Variants in PAH observed in about 807,000 individuals in gnomAD.
The protein encoded by PAH is phenylalanine hydroxylase.
In PAH, 64 loss-of-function variants were observed where a neutral mutation model predicts 62.0. That is an observed-to-expected ratio of 1.03 (90% CI 0.84 to 1.27). The LOEUF is 1.27. Among genes scored for constraint, PAH ranks in the 50% most tolerant of loss-of-function variants. The probability of loss-of-function intolerance (pLI) is 0.00; values close to 1 mark genes in which losing one functional copy is unlikely to be tolerated. For missense variants in PAH, 579 were observed against 542.8 expected, an observed-to-expected ratio of 1.07 and a Z score of -0.66; for synonymous variants, 195 against 196.2, an observed-to-expected ratio of 0.99 and a Z score of 0.05.
intron 2 of PAH, 45 bp downstream of exon 2, chr12:102,912,746 G>A: frequency 7.7e-7 from 1 of 1,305,436 alleles, no homozygotes; most frequent in South Asian, 1.2e-5. Context: ...GAACATGGAA[G>A]TTTGCTACGA....
chr12:102,910,033 A>G (rs1019491469), intron 2 of PAH, among the ~76,000 whole-genome samples: 1 of 152,206 alleles, frequency 6.6e-6, no homozygotes, highest in Non-Finnish European at 1.5e-5. Context: ...AATATTTATT[A>G]AGGTAAAAAA....
intron 5 of PAH, among the ~76,000 whole-genome samples, chr12:102,861,978 A>AAAAG (rs1555205290): frequency 1.3e-5 from 2 of 151,864 alleles, no homozygotes; most frequent in Non-Finnish European, 2.9e-5. Flanking sequence ...AAAAAAAAAA[A>AAAAG]AAAAGAAAGA....
Position 102,839,046 on chromosome 12 carries a change from C to A in PAH, c.*129G>T. On this transcript the variant is annotated 3_prime_UTR_variant, in exon 13 of 13. Transcript: ENST00000553106. The stretch of plus-strand genomic sequence containing the variant: ...TTATTTTGACTTATTTGTTGTTTCT[C>A]CATCTTGTAAAGGATTTAAGGCTGT... 1 of 781,522 alleles carries A rather than the reference C, an allele frequency of 1.3e-6. No individual in the cohort carries two copies. The highest frequency in any genetic ancestry group is 2.6e-5 in the East Asian group (1 of 38,468). The allele number at this position is 781,522 out of a possible 1,614,324, so 48.4% of individuals were successfully genotyped here.
chr12:102,839,312 C>A, intron 12 of PAH, 94 bp from the exon 13 acceptor site: 1 of 1,237,606 alleles, frequency 8.1e-7, no homozygotes, highest in Non-Finnish European at 1.2e-6. Context: ...GATAAGTGGG[C>A]TTCTTGGATG....
chr12:102,839,196 A>G lies in PAH; in HGVS notation c.1338T>C (p.Ser446=), dbSNP rs749175668. The G allele has an allele frequency of 1.2e-6, 2 of 1,613,928 alleles. No individual in the cohort carries two copies. Among genetic ancestry groups the G allele is most frequent in the Admixed American group, 3.3e-5 (2 of 60,000 alleles). The change falls in exon 13 of 13, where the codon AGT becomes AGC. Residue 446 remains serine, a synonymous_variant. Transcript: ENST00000553106. The stretch of plus-strand genomic sequence containing the variant: ...GGCTTTACTTTATTTTCTGGAGGGC[A>G]CTGCAAAGGATTCCAATTTCACCTA... The part of the protein sequence containing the change: ...SINSEIGILC[S]ALQKIK
chr12:102,875,769 C>G (rs1876535313), intron 4 of PAH, among the ~76,000 whole-genome samples: 2 of 152,018 alleles, frequency 1.3e-5, no homozygotes, highest in Non-Finnish European at 1.5e-5. Flanking sequence ...AGTTTAATTT[C>G]ACAACTAATA....
At chr12:102,867,925 ATAGATG>A (rs1181893542) in intron 4 of PAH, among the ~76,000 whole-genome samples, 11 of 142,490 alleles carry the variant, frequency 7.7e-5, no homozygotes, top group Admixed American at 2.1e-4. Flanking sequence ...ATATACATAT[ATAGATG>A]TATATATACA....
At position 102,895,870 on chromosome 12, in the gene PAH, AT is replaced by A. The variant is rs369418346; in HGVS notation, c.169-953del. ...ACTCTGTCTCAAAAAAAAAAAAAAAATATATATATATATATATATATGTATA... is the reference window on the plus strand; with the variant it reads ...ACTCTGTCTCAAAAAAAAAAAAAAAAATATATATATATATATATATGTATA... On this transcript the variant is annotated intron_variant, in intron 2 of 12. Coordinates refer to ENST00000553106, the MANE Select transcript of PAH (RefSeq NM_000277.3). Among the ~76,000 whole-genome samples the A allele has an allele frequency of 4.6e-3, 471 of 101,748 alleles. 3 individuals are homozygous for A. Among genetic ancestry groups the A allele is most frequent in the African/African-American group, 0.013 (246 of 18,546 alleles). The allele number at this position is 101,748 out of a possible 152,430, so 66.8% of individuals were successfully genotyped here.
chr12:102,917,035 T>A lies in PAH; in HGVS notation c.60+36A>T. The A allele has an allele frequency of 2.5e-6, 4 of 1,603,102 alleles. No homozygotes were observed. The South Asian group carries it at 4.4e-5, about 18-fold the overall frequency. On this transcript the variant is annotated intron_variant, in intron 1 of 12. Coordinates refer to ENST00000553106, the MANE Select transcript of PAH (RefSeq NM_000277.3). ...GATCTCTTTCTCTGGAGGCCCAAATTCCCCTAACTGAGCAGCTCAGGCTGC... is the reference window on the plus strand; with the variant it reads ...GATCTCTTTCTCTGGAGGCCCAAATACCCCTAACTGAGCAGCTCAGGCTGC...
chr12:102,943,734 A>G (rs1212773413), intron 1 of PAH, among the ~76,000 whole-genome samples: 1 of 152,226 alleles, frequency 6.6e-6, no homozygotes, highest in Non-Finnish European at 1.5e-5. Context: ...TATCATAAAA[A>G]TGAATGAAAT....
chr12:102,958,384 C>T, upstream of PAH: 21 of 1,493,848 alleles, frequency 1.4e-5, no homozygotes, highest in Non-Finnish European at 1.7e-5. Context: ...GCAGCGGCAG[C>T]GCAGAGCGCG....
intron 1 of PAH, among the ~76,000 whole-genome samples, chr12:102,936,739 T>C (rs188411915): frequency 1.8e-4 from 28 of 152,374 alleles, no homozygotes; most frequent in African/African-American, 6.3e-4. Flanking sequence ...TATGTTTTTC[T>C]ATTTCTTTAT....
chr12:102,885,993 A>G (rs1877025145), intron 3 of PAH: 1 of 152,310 alleles, frequency 6.6e-6, no homozygotes. Context: ...GCTGATCTCC[A>G]CAGCTCCCAC....
At chr12:102,942,219 A>C (rs1879320854) in intron 1 of PAH, among the ~76,000 whole-genome samples, 1 of 152,176 alleles carries the variant, frequency 6.6e-6, no homozygotes, top group African/African-American at 2.4e-5. Flanking sequence ...ACTTCATAAA[A>C]GTTTCAGAAT....
intron 3 of PAH, among the ~76,000 whole-genome samples, chr12:102,882,244 G>T (rs925863785): frequency 8.5e-5 from 13 of 152,124 alleles, no homozygotes; most frequent in African/African-American, 3.1e-4. Flanking sequence ...TGAAATCTGG[G>T]ATACTCAGGA....
chr12:102,838,821 G>A lies in PAH; in HGVS notation c.*354C>T. The A allele has an allele frequency of 3.7e-6, 1 of 272,830 alleles. No homozygotes were observed. Among genetic ancestry groups the A allele is most frequent in the East Asian group, 8.1e-5 (1 of 12,336 alleles). The allele number at this position is 272,830 out of a possible 1,614,324, so 16.9% of individuals were successfully genotyped here. A position where few individuals can be genotyped will look rare whatever the true frequency, so the allele number is the denominator to read the frequency against. ...TTGTGTTTTACATTTAGCCTTATATGCTCCTTTATGAGTTCTCTGCAAAGC... is the reference window on the plus strand; with the variant it reads ...TTGTGTTTTACATTTAGCCTTATATACTCCTTTATGAGTTCTCTGCAAAGC... On this transcript the variant is annotated 3_prime_UTR_variant, in exon 13 of 13. Transcript: ENST00000553106.
rs1388475330 is a variant in PAH at position 102,957,702 on chromosome 12, G to C, written c.-96+493C>G. 1 of 152,702 alleles carries C rather than the reference G, an allele frequency of 6.5e-6. No homozygotes were observed. The highest frequency in any genetic ancestry group is 1.5e-5 in the Non-Finnish European group (1 of 68,276). 9.5% of individuals were successfully genotyped at this position (152,702 alleles called of 1,614,324 possible). A position where few individuals can be genotyped will look rare whatever the true frequency, so the allele number is the denominator to read the frequency against. On this transcript the variant is annotated intron_variant, in intron 1 of 4. Transcript: ENST00000551337. This position sits in a 1 kb window ranked among gnomAD's most constrained non-coding sequence, Gnocchi z 4.1. ...ACTCTCTCACTTCTGGCCAGGGAACGTGGAAGGCGCACCGACAGGGATCCG... is the reference window on the plus strand; with the variant it reads ...ACTCTCTCACTTCTGGCCAGGGAACCTGGAAGGCGCACCGACAGGGATCCG...
intron 1 of PAH, among the ~76,000 whole-genome samples, chr12:102,915,772 G>T (rs1046614643): frequency 6.6e-6 from 1 of 152,112 alleles, no homozygotes; most frequent in Admixed American, 6.6e-5. Context: ...CATCCCAGGT[G>T]ATTCTTAACC....
At chr12:102,841,927 G>C (rs1874612780) in intron 11 of PAH, among the ~76,000 whole-genome samples, 1 of 152,198 alleles carries the variant, frequency 6.6e-6, no homozygotes, top group South Asian at 2.1e-4. Context: ...ACTCCAAGTG[G>C]TTAGAATTGG....
Sources: gnomAD v4.1 joint callset for allele counts (sites outside exome capture counted in the v4.1 genomes callset) on GRCh38, gnomAD v4.1.1 for gene constraint, Gnocchi (gnomAD v3.1) non-coding constraint, MANE v1.5 for transcripts, NCBI Gene and HGNC (gene_info 2026-07-23, HGNC 2026-07-21) for gene names.